Variants in ASCC3 observed in about 807,000 individuals in gnomAD.
ASCC3 encodes ASC-1 complex subunit P200.
In ASCC3, 158 loss-of-function variants were observed where a neutral mutation model predicts 256.3. That is an observed-to-expected ratio of 0.62 (90% CI 0.54 to 0.70). ASCC3 has a LOEUF of 0.70. ASCC3 is among the 30% of genes least tolerant of loss of function. The pLI is 0.00. For missense variants in ASCC3, 2,259 were observed against 2,626.0 expected (o/e 0.86, Z 3.05); for synonymous variants, 948 against 883.4 (o/e 1.07, Z -1.30).
chr6:100,677,963 A>G (rs1475015582), intron 14 of ASCC3, among the ~76,000 whole-genome samples: 2 of 152,112 alleles, frequency 1.3e-5, no homozygotes, highest in Non-Finnish European at 2.9e-5. Context: ...ATCATTTTAA[A>G]ATATCTCCAT....
At chr6:100,520,340 TC>T (rs1481781736) in intron 37 of ASCC3, among the ~76,000 whole-genome samples, 5 of 152,138 alleles carry the variant, frequency 3.3e-5, no homozygotes, top group African/African-American at 9.6e-5. Context: ...TCTGGCCACG[TC>T]CCCCTCTGTA....
intron 10 of ASCC3, among the ~76,000 whole-genome samples, chr6:100,757,951 C>CAGCCAA (rs1781259761): frequency 6.6e-6 from 1 of 152,106 alleles, no homozygotes. Flanking sequence ...TTGACAACAC[C>CAGCCAA]AGCCAAACAC....
intron 8 of ASCC3, among the ~76,000 whole-genome samples, chr6:100,770,325 T>C (rs956308806): frequency 4.6e-5 from 7 of 151,958 alleles, no homozygotes; most frequent in Admixed American, 2.0e-4. Flanking sequence ...CTCAACCTGA[T>C]AGAAGGCATC....
intron 10 of ASCC3, among the ~76,000 whole-genome samples, chr6:100,759,204 T>C (rs907548186): frequency 1.3e-5 from 2 of 152,208 alleles, no homozygotes; most frequent in African/African-American, 4.8e-5. Flanking sequence ...TTTACTCTGA[T>C]GATAGTTTCT....
chr6:100,650,399 T>C (rs1775602849), intron 20 of ASCC3, 139 bp downstream of exon 20: 3 of 843,870 alleles, frequency 3.6e-6, no homozygotes, highest in Admixed American at 2.2e-5. Flanking sequence ...ATTTACAAAT[T>C]AGCAGAAACA....
At chr6:100,806,266 A>G (rs938297669) in intron 4 of ASCC3, among the ~76,000 whole-genome samples, 3 of 151,976 alleles carry the variant, frequency 2.0e-5, no homozygotes, top group African/African-American at 7.2e-5. Context: ...CTACTATACA[A>G]CAGTGTAATT....
At chr6:100,537,947 TAA>T (rs898738371) in intron 37 of ASCC3, among the ~76,000 whole-genome samples, 1 of 151,040 alleles carries the variant, frequency 6.6e-6, no homozygotes, top group Admixed American at 6.6e-5. Flanking sequence ...TAATAGAGGC[TAA>T]AAGTACCTGG....
At chr6:100,607,156 T>A (rs1037149321) in intron 30 of ASCC3, 68 bp from the exon 31 acceptor site, 55 of 1,502,310 alleles carry the variant, frequency 3.7e-5, no homozygotes, top group Non-Finnish European at 4.8e-5. Flanking sequence ...TTTTTCATGT[T>A]TCAAAAAACA....
intron 36 of ASCC3, among the ~76,000 whole-genome samples, chr6:100,579,880 G>C (rs556185263): frequency 6.6e-6 from 1 of 152,228 alleles, no homozygotes; most frequent in South Asian, 2.1e-4. Flanking sequence ...TTGGTAGTTT[G>C]TTAGAGATAG....
chr6:100,721,978 A>T (rs1256514985), intron 11 of ASCC3, among the ~76,000 whole-genome samples: 1 of 151,812 alleles, frequency 6.6e-6, no homozygotes, highest in Non-Finnish European at 1.5e-5. Context: ...CTTACATTTA[A>T]ATCTTTAATC....
chr6:100,648,788 A>G (rs75242124), intron 20 of ASCC3, among the ~76,000 whole-genome samples: 2,343 of 152,056 alleles, frequency 0.015, 24 homozygotes, highest in East Asian at 0.045. Flanking sequence ...TTCAGGATCT[A>G]CAGTTATCCC....
At chr6:100,800,099 A>T (rs1347736402) in intron 6 of ASCC3, among the ~76,000 whole-genome samples, 1 of 152,054 alleles carries the variant, frequency 6.6e-6, no homozygotes. Flanking sequence ...CCTGGATGCG[A>T]CCAAGAATAT....
chr6:100,578,816 T>C (rs917011502), intron 36 of ASCC3, among the ~76,000 whole-genome samples: 5 of 152,100 alleles, frequency 3.3e-5, no homozygotes, highest in African/African-American at 1.2e-4. Flanking sequence ...GGTAGTTCTG[T>C]TTTAAGTTCT....
At chr6:100,516,369 C>G (rs1242356780) in intron 38 of ASCC3, 42 bp from the exon 39 acceptor site, 14 of 1,610,816 alleles carry the variant, frequency 8.7e-6, no homozygotes, top group Non-Finnish European at 1.2e-5. Flanking sequence ...TGTTTCACAG[C>G]ACAAAGAAGA....
chr6:100,743,801 T>C (rs950155706), intron 10 of ASCC3, among the ~76,000 whole-genome samples: 1 of 152,240 alleles, frequency 6.6e-6, no homozygotes, highest in East Asian at 1.9e-4. Context: ...TTCCCTACAA[T>C]ACAAGATGAA....
rs545461993 is a variant in ASCC3, at chr6:100,716,223, A to C, written c.2080-690T>G. 2.6e-5 allele frequency among the ~76,000 whole-genome samples: 4 copies of C among 152,028 alleles called. No individual in the cohort carries two copies. In the East Asian group the frequency reaches 7.7e-4, roughly 29 times the overall value. Reference sequence around the variant, plus strand: ...AAGTTAATACATGCATATAATTATCAATGTATTCATATAATTATGAATGTA... The same window carrying C: ...AAGTTAATACATGCATATAATTATCCATGTATTCATATAATTATGAATGTA... On this transcript the variant is annotated intron_variant, in intron 12 of 41. Coordinates refer to ENST00000369162, the MANE Select transcript of ASCC3 (RefSeq NM_006828.4).
intron 4 of ASCC3, among the ~76,000 whole-genome samples, chr6:100,846,305 A>T (rs761327756): frequency 2.6e-5 from 4 of 152,236 alleles, no homozygotes; most frequent in Non-Finnish European, 5.9e-5. Flanking sequence ...AAAGAATTGT[A>T]TCTAAAATAT....
intron 14 of ASCC3, among the ~76,000 whole-genome samples, chr6:100,665,543 T>A (rs1377498174): frequency 6.6e-6 from 1 of 151,326 alleles, no homozygotes; most frequent in African/African-American, 2.4e-5. Context: ...GCTAACATGG[T>A]GAAACTCCGT....
intron 14 of ASCC3, among the ~76,000 whole-genome samples, chr6:100,663,777 G>A (rs1266248643): frequency 1.3e-5 from 2 of 152,136 alleles, no homozygotes; most frequent in African/African-American, 4.8e-5. Context: ...CAAATTGCAA[G>A]TTACAGCTAC....
Sources: gnomAD v4.1 joint callset for allele counts (sites outside exome capture counted in the v4.1 genomes callset) on GRCh38, gnomAD v4.1.1 for gene constraint, MANE v1.5 for transcripts, NCBI Gene and HGNC (gene_info 2026-07-23, HGNC 2026-07-21) for gene names.